GNAS: variants seen among roughly 807,000 people sequenced by gnomAD.
The protein encoded by GNAS is GNAS complex locus.
Under a neutral mutation model 54.5 loss-of-function variants are expected in GNAS, and 8 were observed. The ratio of observed to expected loss-of-function variants is 0.15; its 90% CI spans 0.09 to 0.26. The LOEUF (loss-of-function observed/expected upper bound fraction) is 0.26, where lower values mean the gene tolerates loss of function less well. Ranked by LOEUF, GNAS falls within the 10% of genes least tolerant of loss-of-function variation. The probability of loss-of-function intolerance (pLI) is 1.00; values close to 1 mark genes in which losing one functional copy is unlikely to be tolerated. For missense variants in GNAS, 170 were observed against 529.8 expected, an observed-to-expected ratio of 0.32 and a Z score of 6.67; for synonymous variants, 204 against 191.4, an observed-to-expected ratio of 1.07 and a Z score of -0.54.
chr20:58,854,465 C>A lies in GNAS; in HGVS notation c.43+13579C>A, dbSNP rs908810796. 2.2e-5 allele frequency: 34 copies of A among 1,581,394 alleles called. No homozygotes were observed. Among genetic ancestry groups the A allele is most frequent in the Non-Finnish European group, 2.7e-5 (31 of 1,167,028 alleles). The stretch of plus-strand genomic sequence containing the variant: ...CCAGGGCAGCCCCTGCAGCCCCAGC[C>A]GATCCTGACTCCGGGGCAACCCCAG... On this transcript the variant is annotated intron_variant, in intron 1 of 12. Transcript: ENST00000306090.
intron 1 of GNAS, chr20:58,881,598 G>C (rs1332050928): frequency 6.6e-6 from 1 of 152,330 alleles, no homozygotes; most frequent in Non-Finnish European, 1.5e-5. Flanking sequence ...AACTCCCCAT[G>C]TGCCTTCCCT....
At chr20:58,876,890 C>G (rs2087858329) in intron 1 of GNAS, 1 of 152,592 alleles carries the variant, frequency 6.6e-6, no homozygotes, top group Non-Finnish European at 1.5e-5. Context: ...AAAATGGCCT[C>G]ACCAGCACCT....
At chr20:58,895,772 C>A in intron 2 of GNAS, 88 bp downstream of exon 2, 2 of 826,222 alleles carry the variant, frequency 2.4e-6, no homozygotes, top group Non-Finnish European at 4.2e-6. Flanking sequence ...GCTTTGGGGG[C>A]TGGGCAGCCA....
chr20:58,882,030 T>C (rs2088254698), intron 1 of GNAS, among the ~76,000 whole-genome samples: 1 of 152,174 alleles, frequency 6.6e-6, no homozygotes, highest in Non-Finnish European at 1.5e-5. Context: ...TTTCTAGACA[T>C]TGCAGGTCCA....
Position 58,853,779 on chromosome 20 carries a change from A to G in GNAS, c.43+12893A>G, listed in dbSNP as rs1398574783. 7 of 1,612,512 alleles carry G rather than the reference A, an allele frequency of 4.3e-6. No individual in the cohort carries two copies. The highest frequency in any genetic ancestry group is 5.9e-6 in the Non-Finnish European group (7 of 1,179,426). On this transcript the variant is annotated intron_variant, in intron 1 of 12. Coordinates refer to the GNAS transcript ENST00000306090. The surrounding 1 kb of genome is among the most constrained non-coding windows in gnomAD (Gnocchi z 4.4). The stretch of plus-strand genomic sequence containing the variant: ...CTTTGAGTTTGACCAGCCTGCCCAG[A>G]GAGGCTGCAGTCAACTTCTCTTACA...
In GNAS at chr20:58,857,003, A is replaced by G. The variant is rs984307597; in HGVS notation, c.43+16117A>G. On this transcript the variant is annotated intron_variant, in intron 1 of 12. Coordinates refer to the GNAS transcript ENST00000306090. The surrounding 1 kb of genome is among the most constrained non-coding windows in gnomAD (Gnocchi z 4.1). ...TTTGCCACATTTAAACAAAGCATCA[A>G]TTAGCAATGGTCTGAATATGTGGTT... 1 of 152,142 alleles carries G rather than the reference A, an allele frequency of 6.6e-6. No homozygotes were observed. The highest frequency in any genetic ancestry group is 2.4e-5 in the African/African-American group (1 of 41,430). The allele number at this position is 152,142 out of a possible 1,614,324, so 9.4% of individuals were successfully genotyped here.
chr20:58,910,283 A>G lies in GNAS; in HGVS notation c.971-51A>G. 1 of 1,414,208 alleles carries G rather than the reference A, an allele frequency of 7.1e-7. No individual in the cohort carries two copies. The highest frequency in any genetic ancestry group is 1.0e-6 in the Non-Finnish European group (1 of 997,444). 87.6% of individuals were successfully genotyped at this position (1,414,208 alleles called of 1,614,324 possible). A position where few individuals can be genotyped will look rare whatever the true frequency, so the allele number is the denominator to read the frequency against. On this transcript the variant is annotated intron_variant, in intron 11 of 12. Coordinates refer to ENST00000371085, the MANE Select transcript of GNAS (RefSeq NM_000516.7). This position sits in a 1 kb window ranked among gnomAD's most constrained non-coding sequence, Gnocchi z 5.8. ...GGAGCTACAGAGATGCTAGCACCCCAGCTCTGCTTGAATTTTAAATTACAT... is the reference window on the plus strand; with the variant it reads ...GGAGCTACAGAGATGCTAGCACCCCGGCTCTGCTTGAATTTTAAATTACAT...
intron 1 of GNAS, chr20:58,854,099 A>G (rs770637229): frequency 1.2e-6 from 2 of 1,612,368 alleles, no homozygotes; most frequent in Non-Finnish European, 1.7e-6. Context: ...TCTGGGTCCC[A>G]GGCGCCATCG....
intron 6 of GNAS, among the ~76,000 whole-genome samples, chr20:58,907,300 C>G (rs1345763429): frequency 6.6e-6 from 1 of 152,072 alleles, no homozygotes; most frequent in African/African-American, 2.4e-5. Context: ...TTTCAAGGAA[C>G]AGAAAAAAAC....
chr20:58,840,050 G>A (rs140203361), upstream of GNAS: 93 of 1,593,622 alleles, frequency 5.8e-5, 1 homozygote, highest in Middle Eastern at 1.9e-3. This position sits in a 1 kb window ranked among gnomAD's most constrained non-coding sequence, Gnocchi z 6.0. Flanking sequence ...ATGTGCTTCG[G>A]AGCCACTCTC....
intron 1 of GNAS, among the ~76,000 whole-genome samples, chr20:58,883,805 C>T (rs947802736): frequency 7.9e-5 from 12 of 152,112 alleles, no homozygotes; most frequent in African/African-American, 2.9e-4. Context: ...AGAGCCTGTA[C>T]GAAAAGAGGG....
At chr20:58,843,363 A>G (rs1430772868) in intron 1 of GNAS, 3 of 152,148 alleles carry the variant, frequency 2.0e-5, no homozygotes, top group Non-Finnish European at 4.4e-5. Flanking sequence ...GGATTTTGCT[A>G]TATAGACTTC....
In GNAS at chr20:58,863,255, A is replaced by G. The variant is rs2086873809; in HGVS notation, c.43+22369A>G. Among the ~76,000 whole-genome samples the G allele has an allele frequency of 6.6e-6, 1 of 152,216 alleles. No homozygotes were observed. Among genetic ancestry groups the G allele is most frequent in the Non-Finnish European group, 1.5e-5 (1 of 68,046 alleles). ...TAGGCAACTGATCTGTGACAGGGCA[A>G]TGGAAATTAAGGGAGTGTGCCTCTG... On this transcript the variant is annotated intron_variant, in intron 1 of 12. Transcript: ENST00000306090. The surrounding 1 kb of genome is among the most constrained non-coding windows in gnomAD (Gnocchi z 4.1).
Position 58,909,040 on chromosome 20 carries a change from T to G in GNAS, c.531-122T>G. 2 of 832,242 alleles carry G rather than the reference T, an allele frequency of 2.4e-6. No individual in the cohort carries two copies. The highest frequency in any genetic ancestry group is 4.3e-6 in the Non-Finnish European group (2 of 470,218). The allele number at this position is 832,242 out of a possible 1,614,324, so 51.6% of individuals were successfully genotyped here. On this transcript the variant is annotated intron_variant, in intron 6 of 12. Coordinates refer to ENST00000371085, the MANE Select transcript of GNAS (RefSeq NM_000516.7). This position sits in a 1 kb window ranked among gnomAD's most constrained non-coding sequence, Gnocchi z 7.3. ...ACACACAAGCAAATGTGCCATTGAC[T>G]TAGTGCTGCATAACTGTGGGACGGT...
chr20:58,868,010 GTTTC>G (rs759517718), intron 1 of GNAS, among the ~76,000 whole-genome samples: 7 of 145,976 alleles, frequency 4.8e-5, no homozygotes, highest in East Asian at 2.0e-4. Flanking sequence ...CACCTCTCCT[GTTTC>G]TTTCTTTCTT....
intron 1 of GNAS, chr20:58,854,271 C>T: frequency 6.2e-7 from 1 of 1,612,186 alleles, no homozygotes; most frequent in Non-Finnish European, 8.5e-7. Flanking sequence ...TGACGGCCCG[C>T]CCATCAAGGT....
At position 58,859,369 on chromosome 20, in the gene GNAS, T is replaced by C. The variant is rs577792804; in HGVS notation, c.43+18483T>C. On this transcript the variant is annotated intron_variant, in intron 1 of 12. Coordinates refer to the GNAS transcript ENST00000306090. ...GCGTGTGCCACCATGCCTGGCTAATTGTTTGTATTTTTAGTAGAGATGGGG... is the reference window on the plus strand; with the variant it reads ...GCGTGTGCCACCATGCCTGGCTAATCGTTTGTATTTTTAGTAGAGATGGGG... 1.1e-4 allele frequency among the ~76,000 whole-genome samples: 17 copies of C among 152,084 alleles called. No individual in the cohort carries two copies. The South Asian group carries it at 3.5e-3, about 32-fold the overall frequency.
chr20:58,875,037 A>G (rs1281545555), intron 1 of GNAS, among the ~76,000 whole-genome samples: 1 of 152,148 alleles, frequency 6.6e-6, no homozygotes, highest in African/African-American at 2.4e-5. Flanking sequence ...TTTTTTGAAA[A>G]TATCTGTGTA....
intron 2 of GNAS, chr20:58,897,864 A>G (rs2062688539): frequency 6.6e-6 from 1 of 152,034 alleles, no homozygotes; most frequent in South Asian, 2.1e-4. Flanking sequence ...TTTCCTTCTT[A>G]ACTAGGAATT....
Sources: allele counts gnomAD v4.1 joint callset (sites outside exome capture counted in the v4.1 genomes callset), GRCh38; gene constraint gnomAD v4.1.1; non-coding constraint Gnocchi (gnomAD v3.1); transcripts MANE v1.5; gene names NCBI Gene and HGNC (gene_info 2026-07-23, HGNC 2026-07-21).